The following SCD5 variants were observed in gnomAD, a reference collection of about 807,000 sequenced individuals.
The protein encoded by SCD5 is stearoyl-CoA desaturase 5, also known as acyl-CoA-desaturase 4.
SCD5 carries 20 observed loss-of-function variants against 30.4 expected under a neutral mutation model. That is an observed-to-expected ratio of 0.66 (90% CI 0.46 to 0.96). The LOEUF (loss-of-function observed/expected upper bound fraction) is 0.96, where lower values mean the gene tolerates loss of function less well. Among genes scored for constraint, SCD5 ranks in the 40% least tolerant of loss-of-function variants. The pLI is 0.00. For missense variants in SCD5, 381 were observed against 443.3 expected (o/e 0.86, Z 1.26); for synonymous variants, 173 against 176.4 (o/e 0.98, Z 0.16).
At chr4:82,681,136 G>T (rs1013189779) in intron 2 of SCD5, among the ~76,000 whole-genome samples, 1 of 152,032 alleles carries the variant, frequency 6.6e-6, no homozygotes, top group East Asian at 1.9e-4. Context: ...CTCAGCTTAC[G>T]TGTGGGACGT....
At chr4:82,758,578 T>C (rs1721279418) in intron 1 of SCD5, among the ~76,000 whole-genome samples, 1 of 152,082 alleles carries the variant, frequency 6.6e-6, no homozygotes, top group Non-Finnish European at 1.5e-5. Flanking sequence ...CTTAAACATA[T>C]GAATTTGAGG....
intron 1 of SCD5, among the ~76,000 whole-genome samples, chr4:82,709,517 G>T (rs535727910): frequency 2.6e-5 from 4 of 152,350 alleles, no homozygotes; most frequent in African/African-American, 9.6e-5. Flanking sequence ...GCCAAAGAAG[G>T]CTTTGCAGAA....
At chr4:82,687,273 T>C (rs1192020257) in intron 2 of SCD5, among the ~76,000 whole-genome samples, 1 of 151,850 alleles carries the variant, frequency 6.6e-6, no homozygotes, top group Non-Finnish European at 1.5e-5. Context: ...AAAATATAAG[T>C]TTAAGCATGG....
At chr4:82,735,448 C>T (rs1028115005) in intron 1 of SCD5, among the ~76,000 whole-genome samples, 2 of 151,986 alleles carry the variant, frequency 1.3e-5, no homozygotes, top group Non-Finnish European at 1.5e-5. Context: ...GTGCAATAAG[C>T]GGGTTGGGTA....
At chr4:82,752,631 GT>G (rs1161610393) in intron 1 of SCD5, among the ~76,000 whole-genome samples, 1 of 152,060 alleles carries the variant, frequency 6.6e-6, no homozygotes, top group Non-Finnish European at 1.5e-5. Context: ...AACAATATCT[GT>G]CCCTTTTCCT....
In SCD5 at chr4:82,631,403, A is replaced by G. The variant is rs1727289339; in HGVS notation, c.917T>C (p.Leu306Pro). 6.2e-7 allele frequency: 1 copy of G among 1,614,170 alleles called. No homozygotes were observed. Among genetic ancestry groups the G allele is most frequent in the Non-Finnish European group, 8.5e-7 (1 of 1,180,030 alleles). ...GGTTGCCCGTTTGCGGTCAGTGGCC[A>G]GCCCCAGCCAGCACATGAAATCAAT... ...WFIDFMCWLGLATDRKRATKP... is the reference protein window; with the variant it reads ...WFIDFMCWLGPATDRKRATKP... The change falls in exon 5 of 5, where the codon CTG becomes CCG. Residue 306 changes from leucine (L) to proline (P), a missense_variant. By Grantham distance (98) the Leu-to-Pro change is moderately conservative (BLOSUM62 -3). Transcript: ENST00000319540.
At chr4:82,747,872 A>G (rs529613651) in intron 1 of SCD5, among the ~76,000 whole-genome samples, 13 of 152,362 alleles carry the variant, frequency 8.5e-5, no homozygotes, top group Non-Finnish European at 1.5e-4. Context: ...CAAGGAAACC[A>G]GCAGCCACAG....
intron 1 of SCD5, among the ~76,000 whole-genome samples, chr4:82,762,091 T>C (rs1249463755): frequency 2.0e-5 from 3 of 150,760 alleles, no homozygotes; most frequent in African/African-American, 2.4e-5. Flanking sequence ...AGAGGATCGC[T>C]TGAGCCCAGG....
chr4:82,717,733 T>C (rs1448748117), intron 1 of SCD5, among the ~76,000 whole-genome samples: 1 of 151,572 alleles, frequency 6.6e-6, no homozygotes, highest in Non-Finnish European at 1.5e-5. Flanking sequence ...CTGGCAAACA[T>C]GGTGAAACCC....
intron 1 of SCD5, among the ~76,000 whole-genome samples, chr4:82,765,388 G>T (rs1721465019): frequency 6.6e-6 from 1 of 151,982 alleles, no homozygotes; most frequent in Admixed American, 6.6e-5. Flanking sequence ...TCTGTCTATA[G>T]TATACATAGT....
intron 3 of SCD5, among the ~76,000 whole-genome samples, chr4:82,637,028 G>A (rs1279154644): frequency 2.0e-5 from 3 of 152,170 alleles, no homozygotes; most frequent in African/African-American, 7.2e-5. Context: ...ACATAAATTT[G>A]AGAGTTGGGA....
intron 1 of SCD5, among the ~76,000 whole-genome samples, chr4:82,762,938 C>T (rs1672760732): frequency 1.3e-5 from 2 of 152,206 alleles, no homozygotes; most frequent in Non-Finnish European, 1.5e-5. Context: ...CACAACTCTC[C>T]TGAGCGGTGG....
chr4:82,712,297 T>TATACGTATA (rs1560540874), intron 1 of SCD5, among the ~76,000 whole-genome samples: 1 of 33,750 alleles, frequency 3.0e-5, no homozygotes, highest in Non-Finnish European at 6.3e-5. Flanking sequence ...TATATATATA[T>TATACGTATA]TTTATTTTTA....
chr4:82,796,680 T>C (rs1158933047), intron 1 of SCD5, among the ~76,000 whole-genome samples: 1 of 152,100 alleles, frequency 6.6e-6, no homozygotes, highest in Non-Finnish European at 1.5e-5. Flanking sequence ...CTATTAAAGA[T>C]AAGCCTCAAT....
chr4:82,688,429 T>G (rs1253699193), intron 2 of SCD5, among the ~76,000 whole-genome samples: 1 of 152,162 alleles, frequency 6.6e-6, no homozygotes, highest in Non-Finnish European at 1.5e-5. Context: ...TAAGGCTTAC[T>G]AGAGATAGAC....
At chr4:82,715,720 A>T (rs1018110063) in intron 1 of SCD5, among the ~76,000 whole-genome samples, 8 of 151,732 alleles carry the variant, frequency 5.3e-5, no homozygotes, top group Admixed American at 4.6e-4. Flanking sequence ...AAAGAGATGC[A>T]TTGATAAGAG....
intron 4 of SCD5, among the ~76,000 whole-genome samples, chr4:82,634,486 C>CT (rs982565840): frequency 3.1e-5 from 4 of 127,818 alleles, no homozygotes; most frequent in African/African-American, 1.1e-4. Flanking sequence ...CACACCACCT[C>CT]CCCCCCCCAT....
At chr4:82,749,197 A>G (rs1235417423) in intron 1 of SCD5, among the ~76,000 whole-genome samples, 1 of 152,232 alleles carries the variant, frequency 6.6e-6, no homozygotes, top group Non-Finnish European at 1.5e-5. Flanking sequence ...GGGGCTCTGG[A>G]TAGAGAGTAA....
At chr4:82,776,701 C>T (rs11099549) in intron 1 of SCD5, among the ~76,000 whole-genome samples, 40,009 of 152,098 alleles carry the variant, frequency 0.26, 6,151 homozygotes, top group African/African-American at 0.42. Context: ...TTCTAGAAAC[C>T]TGTGGGAGTC....
Sources: gnomAD v4.1 joint callset for allele counts (sites outside exome capture counted in the v4.1 genomes callset) on GRCh38, gnomAD v4.1.1 for gene constraint, MANE v1.5 for transcripts, NCBI Gene and HGNC (gene_info 2026-07-23, HGNC 2026-07-21) for gene names.